ZBTB20: variants seen among roughly 807,000 people sequenced by gnomAD.
ZBTB20 encodes the protein zinc finger and BTB domain-containing protein 20.
Under a neutral mutation model 56.9 loss-of-function variants are expected in ZBTB20, and 9 were observed. The observed-to-expected ratio is 0.16, with a 90% CI of 0.10 to 0.28. The LOEUF is 0.28. Among genes scored for constraint, ZBTB20 ranks in the 10% least tolerant of loss-of-function variants. The pLI is 1.00. For synonymous variants in ZBTB20, 417 were observed against 420.7 expected, an observed-to-expected ratio of 0.99 and a Z score of 0.11; for missense variants, 655 against 1,003.0, an observed-to-expected ratio of 0.65 and a Z score of 4.69.
intron 5 of ZBTB20, among the ~76,000 whole-genome samples, chr3:114,724,313 G>A (rs961111390): frequency 2.0e-5 from 3 of 152,132 alleles, no homozygotes; most frequent in Non-Finnish European, 4.4e-5. Flanking sequence ...TCATCACATG[G>A]TAACACTATA....
chr3:115,013,417 AAT>A (rs1374289880), intron 2 of ZBTB20, among the ~76,000 whole-genome samples: 2 of 151,710 alleles, frequency 1.3e-5, no homozygotes, highest in African/African-American at 4.8e-5. Flanking sequence ...TATAGAAAGA[AAT>A]AGAAAAATTT....
intron 5 of ZBTB20, among the ~76,000 whole-genome samples, chr3:114,774,379 A>G (rs1208957403): frequency 1.3e-5 from 2 of 152,178 alleles, no homozygotes; most frequent in Admixed American, 6.5e-5. Flanking sequence ...TTTGTCTTCC[A>G]TGGAGGCCAC....
At chr3:114,707,395 C>A (rs1025570725) in intron 5 of ZBTB20, among the ~76,000 whole-genome samples, 1 of 152,142 alleles carries the variant, frequency 6.6e-6, no homozygotes, top group Non-Finnish European at 1.5e-5. Context: ...TACCCCCAAT[C>A]ACACCTCCTT....
At chr3:114,787,423 A>G (rs28404889) in intron 5 of ZBTB20, among the ~76,000 whole-genome samples, 1 of 148,736 alleles carries the variant, frequency 6.7e-6, no homozygotes, top group Non-Finnish European at 1.5e-5. Context: ...GTGTGTACAC[A>G]TATATACACG....
intron 4 of ZBTB20, among the ~76,000 whole-genome samples, chr3:114,822,417 C>T (rs2073305124): frequency 6.6e-6 from 1 of 151,852 alleles, no homozygotes; most frequent in Non-Finnish European, 1.5e-5. Context: ...TAAAATGGAG[C>T]CTGAGGGCAT....
intron 6 of ZBTB20, among the ~76,000 whole-genome samples, chr3:114,631,827 A>T (rs562062990): frequency 2.0e-5 from 3 of 152,340 alleles, no homozygotes; most frequent in South Asian, 4.1e-4. Context: ...TGATACTGTG[A>T]TCATTGTTAG....
At chr3:115,064,145 G>C (rs986737656) in intron 2 of ZBTB20, among the ~76,000 whole-genome samples, 1 of 152,036 alleles carries the variant, frequency 6.6e-6, no homozygotes, top group African/African-American at 2.4e-5. Context: ...CCATCTTCTA[G>C]CTCAAGTAAA....
chr3:114,753,318 TG>T, intron 5 of ZBTB20, among the ~76,000 whole-genome samples: 1 of 140,400 alleles, frequency 7.1e-6, no homozygotes, highest in African/African-American at 2.7e-5. Context: ...AATGTATATA[TG>T]TATACCTGTA....
At chr3:115,077,683 A>T (rs2082644351) in intron 1 of ZBTB20, among the ~76,000 whole-genome samples, 1 of 152,224 alleles carries the variant, frequency 6.6e-6, no homozygotes, top group Non-Finnish European at 1.5e-5. Context: ...TTACAACCAC[A>T]ATGAGGAATT....
intron 9 of ZBTB20, 128 bp downstream of exon 9, chr3:114,380,649 T>C (rs1162884320): frequency 1.5e-6 from 2 of 1,354,474 alleles, no homozygotes; most frequent in Admixed American, 6.1e-5. Flanking sequence ...GTTGGCTGCA[T>C]AAAAAGACCC....
At chr3:114,915,518 T>A (rs531764112) in intron 3 of ZBTB20, among the ~76,000 whole-genome samples, 41 of 152,098 alleles carry the variant, frequency 2.7e-4, no homozygotes, top group African/African-American at 8.7e-4. Flanking sequence ...TTTGTTTATC[T>A]TTTCAAAAAA....
intron 4 of ZBTB20, among the ~76,000 whole-genome samples, chr3:114,843,933 C>T (rs1178003986): frequency 6.6e-6 from 1 of 151,972 alleles, no homozygotes; most frequent in Non-Finnish European, 1.5e-5. Flanking sequence ...GTGATCCACC[C>T]CCCTTGGCCT....
intron 6 of ZBTB20, chr3:114,519,801 C>T (rs976436359): frequency 6.6e-6 from 1 of 152,194 alleles, no homozygotes; most frequent in Non-Finnish European, 1.5e-5. Context: ...AACAACCATA[C>T]ATTCTAGAAA....
intron 4 of ZBTB20, among the ~76,000 whole-genome samples, chr3:114,840,738 A>G (rs951859895): frequency 6.6e-6 from 1 of 152,202 alleles, no homozygotes; most frequent in Non-Finnish European, 1.5e-5. Context: ...ACATTAAAAC[A>G]GACAAAAAAA....
chr3:114,759,397 G>T (rs2068274269), intron 5 of ZBTB20: 1 of 152,132 alleles, frequency 6.6e-6, no homozygotes, highest in South Asian at 2.1e-4. Context: ...GGACATCTCA[G>T]TTGAATTACC....
chr3:114,637,077 T>C (rs1014992613), intron 6 of ZBTB20, among the ~76,000 whole-genome samples: 4 of 152,042 alleles, frequency 2.6e-5, no homozygotes, highest in African/African-American at 9.7e-5. Context: ...CCAAAAATTG[T>C]CACAAGAGAC....
intron 11 of ZBTB20, among the ~76,000 whole-genome samples, chr3:114,341,718 T>C (rs542843351): frequency 6.6e-6 from 1 of 152,354 alleles, no homozygotes; most frequent in African/African-American, 2.4e-5. Context: ...TAATTATCCA[T>C]GTGACCCTGG....
At chr3:114,421,865 TCCTCCA>T (rs1382753973) in intron 7 of ZBTB20, among the ~76,000 whole-genome samples, 2 of 151,630 alleles carry the variant, frequency 1.3e-5, no homozygotes, top group Admixed American at 1.3e-4. Context: ...ATATTCCCTC[TCCTCCA>T]GTGTCCCTCA....
intron 2 of ZBTB20, 52 bp from the exon 3 acceptor site, chr3:114,974,468 C>A (rs2078016641): frequency 6.6e-6 from 1 of 152,084 alleles, no homozygotes; most frequent in Non-Finnish European, 1.5e-5. Flanking sequence ...AAAACATTTG[C>A]ATTTCTATAA....
Sources: allele counts gnomAD v4.1 joint callset (sites outside exome capture counted in the v4.1 genomes callset), GRCh38; gene constraint gnomAD v4.1.1; transcripts MANE v1.5; gene names NCBI Gene and HGNC (gene_info 2026-07-23, HGNC 2026-07-21).